Variants in DPP6 observed in about 807,000 individuals in gnomAD.
DPP6 encodes the protein dipeptidyl peptidase like 6.
Under a neutral mutation model 122.6 loss-of-function variants are expected in DPP6, and 69 were observed. The observed-to-expected ratio is 0.56, with a 90% CI of 0.46 to 0.69. The LOEUF is 0.69. Ranked by LOEUF, DPP6 falls within the 30% of genes least tolerant of loss-of-function variation. The pLI is 0.00. For missense variants in DPP6, 928 were observed against 1,116.9 expected (o/e 0.83, Z 2.41); for synonymous variants, 418 against 433.1 (o/e 0.97, Z 0.43).
chr7:154,723,804 T>C (rs536144359), intron 7 of DPP6, among the ~76,000 whole-genome samples: 1 of 152,344 alleles, frequency 6.6e-6, no homozygotes, highest in South Asian at 2.1e-4. Context: ...TCCTAGAATT[T>C]CCTAAAAGAA....
At chr7:154,162,664 C>CAA (rs942508949) in intron 1 of DPP6, among the ~76,000 whole-genome samples, 1 of 152,104 alleles carries the variant, frequency 6.6e-6, no homozygotes, top group African/African-American at 2.4e-5. Flanking sequence ...TGGAATTTAA[C>CAA]ACCTGGAATC....
intron 8 of DPP6, among the ~76,000 whole-genome samples, chr7:154,767,244 C>T (rs7797277): frequency 0.016 from 2,400 of 152,250 alleles, 68 homozygotes; most frequent in African/African-American, 0.055. Context: ...CTCGCTCTGC[C>T]CTGTGAATTC....
intron 6 of DPP6, among the ~76,000 whole-genome samples, chr7:154,651,801 C>T (rs1468339294): frequency 2.0e-5 from 3 of 152,184 alleles, no homozygotes; most frequent in Non-Finnish European, 2.9e-5. Flanking sequence ...GCCAACATCA[C>T]CCCTTGGGGC....
chr7:154,666,500 G>A (rs1246209528), intron 6 of DPP6, among the ~76,000 whole-genome samples: 1 of 151,490 alleles, frequency 6.6e-6, no homozygotes, highest in African/African-American at 2.4e-5. Flanking sequence ...TTTTTTCATT[G>A]TGGTATAATA....
At chr7:154,311,410 C>G (rs1405831812) in intron 1 of DPP6, among the ~76,000 whole-genome samples, 1 of 151,768 alleles carries the variant, frequency 6.6e-6, no homozygotes, top group Non-Finnish European at 1.5e-5. Context: ...GTAGGAGGAT[C>G]ACCTGAGCCC....
At chr7:153,984,598 C>G (rs1266117949) in intron 1 of DPP6, among the ~76,000 whole-genome samples, 1 of 152,044 alleles carries the variant, frequency 6.6e-6, no homozygotes, top group East Asian at 1.9e-4. Context: ...AATACAGACT[C>G]CTGTTCTGCT....
chr7:153,824,749 G>A, the DPP6 span, among the ~76,000 whole-genome samples: 2 of 152,092 alleles, frequency 1.3e-5, no homozygotes, highest in South Asian at 4.1e-4. Context: ...CTTGGTGGCT[G>A]GGAAGCTTTC....
intron 19 of DPP6, among the ~76,000 whole-genome samples, chr7:154,874,363 C>T (rs1049434141): frequency 6.6e-6 from 1 of 152,224 alleles, no homozygotes; most frequent in Non-Finnish European, 1.5e-5. Context: ...CTGAGCTCTG[C>T]TGAGCTCGGA....
At chr7:154,845,253 T>C (rs1196285539) in intron 16 of DPP6, among the ~76,000 whole-genome samples, 1 of 152,224 alleles carries the variant, frequency 6.6e-6, no homozygotes, top group Admixed American at 6.5e-5. Flanking sequence ...TGTTTGTCTT[T>C]CTGTCTGTGT....
At chr7:153,926,145 T>G (rs977508947) in intron 1 of DPP6, among the ~76,000 whole-genome samples, 4 of 152,218 alleles carry the variant, frequency 2.6e-5, no homozygotes, top group African/African-American at 9.6e-5. Flanking sequence ...TAGTTGACAT[T>G]CCCAGTCCTG....
At chr7:154,111,620 C>CGTGTGTGTGTGTGTGTGTGTGT (rs71309604) in intron 1 of DPP6, among the ~76,000 whole-genome samples, 1 of 134,912 alleles carries the variant, frequency 7.4e-6, no homozygotes, top group African/African-American at 2.7e-5. Flanking sequence ...GGCAGGGTTT[C>CGTGTGTGTGTGTGTGTGTGTGT]GTGTGTGTGT....
chr7:154,630,783 G>A (rs749433347), intron 5 of DPP6, among the ~76,000 whole-genome samples: 14 of 152,018 alleles, frequency 9.2e-5, no homozygotes, highest in South Asian at 2.1e-4. Context: ...GGGGCCTGTC[G>A]GGGGATGGGA....
At chr7:154,004,723 A>G (rs1192956277) in intron 1 of DPP6, among the ~76,000 whole-genome samples, 2 of 151,970 alleles carry the variant, frequency 1.3e-5, no homozygotes, top group Non-Finnish European at 1.5e-5. Flanking sequence ...CCACGTCCCT[A>G]TAACATTATG....
chr7:154,235,820 C>T (rs1801178923), intron 1 of DPP6, among the ~76,000 whole-genome samples: 1 of 152,182 alleles, frequency 6.6e-6, no homozygotes, highest in African/African-American at 2.4e-5. Context: ...CAACTACTAA[C>T]ACCTTGTTAC....
At chr7:154,690,876 C>T (rs1315815976) in intron 7 of DPP6, among the ~76,000 whole-genome samples, 1 of 152,154 alleles carries the variant, frequency 6.6e-6, no homozygotes, top group Non-Finnish European at 1.5e-5. Context: ...TCTCATGTGC[C>T]AAGCAGCCCC....
At chr7:154,314,314 CTAT>C (rs1421686846) in intron 1 of DPP6, among the ~76,000 whole-genome samples, 1 of 152,194 alleles carries the variant, frequency 6.6e-6, no homozygotes, top group Non-Finnish European at 1.5e-5. Context: ...AGATTTCAAA[CTAT>C]TGTTCAGTGA....
At chr7:154,729,735 A>G (rs1038054478) in intron 8 of DPP6, among the ~76,000 whole-genome samples, 4 of 152,172 alleles carry the variant, frequency 2.6e-5, no homozygotes, top group Non-Finnish European at 4.4e-5. Flanking sequence ...TGTGGTCACC[A>G]TGGAAGCCCC....
intron 2 of DPP6, among the ~76,000 whole-genome samples, chr7:154,459,507 G>A (rs1207260793): frequency 6.6e-6 from 1 of 152,152 alleles, no homozygotes; most frequent in Admixed American, 6.5e-5. Context: ...TATTGAACAA[G>A]TAATATGTAT....
At chr7:154,538,810 A>C (rs988376763) in intron 3 of DPP6, among the ~76,000 whole-genome samples, 1 of 152,222 alleles carries the variant, frequency 6.6e-6, no homozygotes, top group African/African-American at 2.4e-5. Flanking sequence ...CATTCAATAG[A>C]TGCACCTTGG....
Sources: gnomAD v4.1 joint callset for allele counts (sites outside exome capture counted in the v4.1 genomes callset) on GRCh38, gnomAD v4.1.1 for gene constraint, MANE v1.5 for transcripts, NCBI Gene and HGNC (gene_info 2026-07-23, HGNC 2026-07-21) for gene names.